RAB4B: variants seen among roughly 807,000 people sequenced by gnomAD.
RAB4B encodes the protein ras-related protein Rab-4B.
In RAB4B, 15 loss-of-function variants were observed where a neutral mutation model predicts 28.3. That is an observed-to-expected ratio of 0.53 (90% confidence interval 0.35 to 0.82). The LOEUF is 0.82. RAB4B is among the 40% of genes least tolerant of loss of function. The pLI, the probability that RAB4B is intolerant of heterozygous loss-of-function variation, is 0.01. For synonymous variants in RAB4B, 108 were observed against 116.3 expected (o/e 0.93, Z 0.46); for missense variants, 244 against 288.5 (o/e 0.85, Z 1.12).
At chr19:40,795,999 G>A (rs891737205) in intron 7 of RAB4B, among the ~76,000 whole-genome samples, 47 of 152,174 alleles carry the variant, frequency 3.1e-4, no homozygotes, top group Middle Eastern at 3.4e-3. Flanking sequence ...GAGCCACCGC[G>A]CCCGGCCTAT....
intron 5 of RAB4B, chr19:40,786,290 C>A (rs537643564): frequency 2.7e-4 from 86 of 316,972 alleles, no homozygotes; most frequent in Admixed American, 5.9e-4. Context: ...CAGGCCCAGG[C>A]AGAAGGGTCA....
Position 40,792,870 on chromosome 19 carries a change from TC to T in RAB4B, c.*16-3698del, listed in dbSNP as rs1664078771. 2.0e-5 allele frequency among the ~76,000 whole-genome samples: 3 copies of T among 152,186 alleles called. 1 individual carries two copies. The highest frequency in any genetic ancestry group is 7.2e-5 in the African/African-American group (3 of 41,510). On this transcript the variant is annotated intron_variant, in intron 7 of 7. Transcript: ENST00000357052. ...ATCTTGGCTCATTGCAAGCTCCACT[TC>T]CAGGGTTCAAGCAATTCTCCTGCCT...
intron 7 of RAB4B, chr19:40,794,903 G>T (rs1233585478): frequency 6.6e-6 from 1 of 151,230 alleles, no homozygotes; most frequent in Non-Finnish European, 1.5e-5. Context: ...CCAGCACTTT[G>T]GGGGGCTGAG....
At chr19:40,788,134 C>T (rs1414004434) in intron 7 of RAB4B, among the ~76,000 whole-genome samples, 1 of 152,012 alleles carries the variant, frequency 6.6e-6, no homozygotes, top group South Asian at 2.1e-4. Context: ...GGGGATATGG[C>T]AGGGAGTACA....
chr19:40,786,812 C>T lies in RAB4B; in HGVS notation c.527-36C>T, dbSNP rs1337258954. 5.6e-6 allele frequency: 9 copies of T among 1,614,000 alleles called. No homozygotes were observed. The South Asian group carries it at 7.7e-5, about 14-fold the overall frequency. ...AGCGAAGGGCAGGCCCGGGGGTCTC[C>T]AGGCAACCAATGCTGACCTCTCCCC... On this transcript the variant is annotated intron_variant, in intron 6 of 7. Coordinates refer to ENST00000357052, the MANE Select transcript of RAB4B (RefSeq NM_016154.5).
intron 3 of RAB4B, among the ~76,000 whole-genome samples, chr19:40,782,151 A>G (rs1366707412): frequency 6.6e-6 from 1 of 152,072 alleles, no homozygotes; most frequent in Admixed American, 6.6e-5. Context: ...ATTCTTGCGT[A>G]TGGATTAACT....
chr19:40,791,547 T>C (rs982450371), intron 7 of RAB4B, among the ~76,000 whole-genome samples: 8 of 152,016 alleles, frequency 5.3e-5, no homozygotes, highest in African/African-American at 1.7e-4. Context: ...CCCTTGCTCA[T>C]GCTGGGCCTC....
At chr19:40,787,028 G>A in intron 7 of RAB4B, 50 bp downstream of exon 7, 1 of 1,466,786 alleles carries the variant, frequency 6.8e-7, no homozygotes, top group East Asian at 2.3e-5. Flanking sequence ...TGGGCATGGG[G>A]GAGATGGTGT....
intron 7 of RAB4B, among the ~76,000 whole-genome samples, chr19:40,790,983 G>A (rs1199335058): frequency 6.6e-6 from 1 of 151,726 alleles, no homozygotes; most frequent in Non-Finnish European, 1.5e-5. Context: ...AGCCTCCCGA[G>A]TAGCTGGGAC....
Position 40,784,090 on chromosome 19 carries a change from G to A in RAB4B, c.430+15G>A, listed in dbSNP as rs201498981. On this transcript the variant is annotated intron_variant, in intron 5 of 7. Coordinates refer to ENST00000357052, the MANE Select transcript of RAB4B (RefSeq NM_016154.5). Reference sequence around the variant, plus strand: ...CCAGGAGAATGGTGAGGGCTGTGTCGTGGACCAGGTGGTGGTGGGGGTGGA... The same window carrying A: ...CCAGGAGAATGGTGAGGGCTGTGTCATGGACCAGGTGGTGGTGGGGGTGGA... 4,297 of 1,590,580 alleles carry A rather than the reference G, an allele frequency of 2.7e-3. 8 individuals are homozygous for A. Among genetic ancestry groups the A allele is most frequent in the Non-Finnish European group, 3.4e-3 (4,003 of 1,163,130 alleles).
In RAB4B at chr19:40,786,897, G is replaced by A. The variant is rs974095956; in HGVS notation, c.576G>A (p.Ala192=). 10 of 1,614,008 alleles carry A rather than the reference G, an allele frequency of 6.2e-6. No homozygotes were observed. Among genetic ancestry groups the A allele is most frequent in the African/African-American group, 1.3e-5 (1 of 74,914 alleles). Residue 192 remains alanine (A), a synonymous_variant, in exon 7 of 8, where the codon GCG becomes GCA. Coordinates refer to ENST00000357052, the MANE Select transcript of RAB4B (RefSeq NM_016154.5). ...RMGSGIQYGD[A]SLRQLRQPRS... The stretch of plus-strand genomic sequence containing the variant: ...GCTCTGGCATTCAGTACGGGGATGC[G>A]TCCCTCCGCCAGCTTCGGCAGCCTC...
chr19:40,778,412 TG>T, intron 1 of RAB4B, 21 bp downstream of exon 1: 1 of 1,450,436 alleles, frequency 6.9e-7, no homozygotes, highest in Non-Finnish European at 9.1e-7. Context: ...TGGACGAAGC[TG>T]GGGTCCTGGG....
chr19:40,795,887 A>G lies in RAB4B; in HGVS notation c.*16-683A>G, dbSNP rs575254242. Among the ~76,000 whole-genome samples the G allele has an allele frequency of 1.6e-3, 232 of 149,480 alleles. 1 individual carries two copies. The highest frequency in any genetic ancestry group is 5.6e-3 in the African/African-American group (226 of 40,502). Reference sequence around the variant, plus strand: ...CACACCTGGCTAATTTTGTATTTTTAGTGGAGATGAGGTTTCTCCATGTTG... The same window carrying G: ...CACACCTGGCTAATTTTGTATTTTTGGTGGAGATGAGGTTTCTCCATGTTG... On this transcript the variant is annotated intron_variant, in intron 7 of 7. Coordinates refer to ENST00000357052, the MANE Select transcript of RAB4B (RefSeq NM_016154.5).
Position 40,778,265 on chromosome 19 carries a change from C to T in RAB4B, c.-111C>T. On this transcript the variant is annotated 5_prime_UTR_variant, in exon 1 of 8. Coordinates refer to ENST00000357052, the MANE Select transcript of RAB4B (RefSeq NM_016154.5). ...CGGAGGCGGAAGTGGCGGTGCCGGG[C>T]CCGGGGAGTAGGAAGGAGCCGGGGC... 3.7e-6 allele frequency: 4 copies of T among 1,068,104 alleles called. No homozygotes were observed. Among genetic ancestry groups the T allele is most frequent in the South Asian group, 3.2e-5 (2 of 61,968 alleles). The allele number at this position is 1,068,104 out of a possible 1,614,324, so 66.2% of individuals were successfully genotyped here. A position where few individuals can be genotyped will look rare whatever the true frequency, so the allele number is the denominator to read the frequency against.
At chr19:40,786,490 G>C in intron 5 of RAB4B, 175 bp from the exon 6 acceptor site, 1 of 881,098 alleles carries the variant, frequency 1.1e-6, no homozygotes, top group Non-Finnish European at 1.7e-6. Flanking sequence ...GGAAGAGCTG[G>C]GTGGGCATAT....
chr19:40,779,026 G>A (rs2083022778), intron 1 of RAB4B: 1 of 985,664 alleles, frequency 1.0e-6, no homozygotes, highest in Non-Finnish European at 1.2e-6. Context: ...AAATATAGAA[G>A]AGAAGGGAGA....
intron 2 of RAB4B, 130 bp downstream of exon 2, chr19:40,780,229 CT>C: frequency 6.8e-7 from 1 of 1,471,800 alleles, no homozygotes; most frequent in Non-Finnish European, 9.2e-7. Context: ...TTGGTCCTTG[CT>C]TTGTCGTATG....
Position 40,783,763 on chromosome 19 carries a change from C to A in RAB4B, c.213-15C>A. On this transcript the variant is annotated splice_polypyrimidine_tract_variant and intron_variant, in intron 3 of 7. Transcript: ENST00000357052. ...CCCCAGCCTTGGGGGTGACTGGGTC[C>A]CCCTGGCCCCACAGGTCAGTGACGC... 2.6e-6 allele frequency: 4 copies of A among 1,545,916 alleles called. No homozygotes were observed. Among genetic ancestry groups the A allele is most frequent in the Non-Finnish European group, 3.5e-6 (4 of 1,143,530 alleles).
chr19:40,778,339 G>T lies in RAB4B; in HGVS notation c.-37G>T. 1 of 1,491,474 alleles carries T rather than the reference G, an allele frequency of 6.7e-7. No individual in the cohort carries two copies. The allele number at this position is 1,491,474 out of a possible 1,614,324, so 92.4% of individuals were successfully genotyped here. A position where few individuals can be genotyped will look rare whatever the true frequency, so the allele number is the denominator to read the frequency against. On this transcript the variant is annotated 5_prime_UTR_variant, in exon 1 of 8. Transcript: ENST00000357052. ...CAGCCGAGGAGCAGGCGCGGCCGCG[G>T]CGCCATATTGCGGCCCTCAGCGGCC...
Sources: allele counts gnomAD v4.1 joint callset (sites outside exome capture counted in the v4.1 genomes callset), GRCh38; gene constraint gnomAD v4.1.1; transcripts MANE v1.5; gene names NCBI Gene and HGNC (gene_info 2026-07-23, HGNC 2026-07-21).